JMJD1C: variants seen among roughly 807,000 people sequenced by gnomAD.
JMJD1C encodes jumonji domain-containing protein 1C.
JMJD1C carries 31 observed loss-of-function variants against 245.3 expected under a neutral mutation model. The observed-to-expected ratio is 0.13, with a 90% CI of 0.09 to 0.17. The LOEUF (loss-of-function observed/expected upper bound fraction) is 0.17, where lower values mean the gene tolerates loss of function less well. Ranked by LOEUF, JMJD1C falls within the 10% of genes least tolerant of loss-of-function variation. The pLI, the probability that JMJD1C is intolerant of heterozygous loss-of-function variation, is 1.00. For missense variants in JMJD1C, 2,691 were observed against 3,000.2 expected, an observed-to-expected ratio of 0.90 and a Z score of 2.41; for synonymous variants, 1,057 against 1,017.4, an observed-to-expected ratio of 1.04 and a Z score of -0.74.
chr10:63,352,325 C>A (rs72835382), intron 2 of JMJD1C, among the ~76,000 whole-genome samples: 2,551 of 152,018 alleles, frequency 0.017, 40 homozygotes, highest in Non-Finnish European at 0.028. Flanking sequence ...TTATTAGATA[C>A]CAATAAAAAG....
chr10:63,407,502 G>T (rs1564887926), intron 1 of JMJD1C, among the ~76,000 whole-genome samples: 1 of 152,128 alleles, frequency 6.6e-6, no homozygotes, highest in South Asian at 2.1e-4. Context: ...CTATGGAAAT[G>T]AGCAGATCTC....
chr10:63,194,202 T>G, intron 14 of JMJD1C, 84 bp downstream of exon 14: 1 of 858,030 alleles, frequency 1.2e-6, no homozygotes, highest in Non-Finnish European at 2.0e-6. Context: ...CTCCACCCTG[T>G]TATATTTCTA....
chr10:63,359,983 T>C (rs904658163), intron 2 of JMJD1C, among the ~76,000 whole-genome samples: 9 of 152,202 alleles, frequency 5.9e-5, no homozygotes, highest in East Asian at 5.8e-4. Context: ...TTTCTAAAGA[T>C]AGCAGACAGA....
intron 13 of JMJD1C, among the ~76,000 whole-genome samples, chr10:63,194,984 T>C (rs1382920617): frequency 2.0e-5 from 3 of 152,208 alleles, no homozygotes; most frequent in Non-Finnish European, 4.4e-5. Context: ...TCTACAAATT[T>C]AGTGACACAG....
At chr10:63,332,594 C>A (rs1435762921) in intron 2 of JMJD1C, among the ~76,000 whole-genome samples, 1 of 152,070 alleles carries the variant, frequency 6.6e-6, no homozygotes, top group East Asian at 1.9e-4. Flanking sequence ...TGAGTTTAGG[C>A]CTCATTTAAC....
chr10:63,326,667 G>T (rs1253683787), intron 2 of JMJD1C, among the ~76,000 whole-genome samples: 1 of 151,930 alleles, frequency 6.6e-6, no homozygotes, highest in Non-Finnish European at 1.5e-5. Flanking sequence ...ATTACCTGAG[G>T]TCAGGAGTTC....
intron 2 of JMJD1C, among the ~76,000 whole-genome samples, chr10:63,300,396 AT>A (rs111659925): frequency 0.14 from 21,392 of 152,178 alleles, 3,449 homozygotes; most frequent in African/African-American, 0.4. Flanking sequence ...AGATTTACAC[AT>A]CATCTAAGTT....
At chr10:63,492,630 C>T (rs747792189) in intron 1 of JMJD1C, among the ~76,000 whole-genome samples, 61 of 152,022 alleles carry the variant, frequency 4.0e-4, no homozygotes, top group Middle Eastern at 3.4e-3. Flanking sequence ...GCCAAGATTG[C>T]GAACACTGCA....
intron 1 of JMJD1C, among the ~76,000 whole-genome samples, chr10:63,494,295 A>T (rs1031141461): frequency 1.3e-5 from 2 of 151,992 alleles, no homozygotes; most frequent in Non-Finnish European, 2.9e-5. Flanking sequence ...TGGGCAACAT[A>T]AACGAAACTC....
chr10:63,340,106 C>G (rs12782230), intron 2 of JMJD1C, among the ~76,000 whole-genome samples: 1 of 152,072 alleles, frequency 6.6e-6, no homozygotes, highest in Non-Finnish European at 1.5e-5. Context: ...TTGGGCATCC[C>G]TAATCTGAAA....
chr10:63,430,802 G>T (rs1217512867), intron 1 of JMJD1C, among the ~76,000 whole-genome samples: 1 of 152,104 alleles, frequency 6.6e-6, no homozygotes, highest in Non-Finnish European at 1.5e-5. Context: ...GGAGAGCAGT[G>T]GCATGATCAC....
In JMJD1C at chr10:63,351,192, C is replaced by T. The variant is rs569314638; in HGVS notation, c.333+29126G>A. The stretch of plus-strand genomic sequence containing the variant: ...CTCCCAGGTTCCAGCAATTCTCCTG[C>T]CTCAGCCTCCTGAGGAGCTGGGATT... On this transcript the variant is annotated intron_variant, in intron 2 of 25. Transcript: ENST00000399262. Among the ~76,000 whole-genome samples the T allele has an allele frequency of 1.2e-4, 18 of 151,810 alleles. No individual in the cohort carries two copies. The East Asian group carries it at 3.5e-3, about 30-fold the overall frequency.
At chr10:63,205,386 G>A (rs1278518472) in intron 10 of JMJD1C, among the ~76,000 whole-genome samples, 1 of 152,086 alleles carries the variant, frequency 6.6e-6, no homozygotes, top group Non-Finnish European at 1.5e-5. Flanking sequence ...CTCCATAACC[G>A]TGGGTTCCAA....
At chr10:63,250,143 G>A (rs931001112) in intron 3 of JMJD1C, among the ~76,000 whole-genome samples, 1 of 151,946 alleles carries the variant, frequency 6.6e-6, no homozygotes, top group Non-Finnish European at 1.5e-5. Context: ...TTTCCAGGTA[G>A]CTGAGACTAC....
At chr10:63,520,327 C>G (rs1403622793) in intron 1 of JMJD1C, among the ~76,000 whole-genome samples, 1 of 152,146 alleles carries the variant, frequency 6.6e-6, no homozygotes, top group Non-Finnish European at 1.5e-5. Flanking sequence ...GACAAAATTA[C>G]AGTATGGTCA....
At chr10:63,482,905 C>T (rs1007776935) in intron 1 of JMJD1C, among the ~76,000 whole-genome samples, 4 of 152,020 alleles carry the variant, frequency 2.6e-5, no homozygotes, top group African/African-American at 9.7e-5. Flanking sequence ...AGTAACAGCC[C>T]GTTTGCTTTT....
intron 2 of JMJD1C, among the ~76,000 whole-genome samples, chr10:63,336,835 C>T (rs764163147): frequency 6.6e-6 from 1 of 152,058 alleles, no homozygotes; most frequent in Non-Finnish European, 1.5e-5. Context: ...GCATTCAACT[C>T]TAGCCCTCTT....
intron 12 of JMJD1C, among the ~76,000 whole-genome samples, chr10:63,197,856 T>C (rs1336406193): frequency 1.3e-5 from 2 of 152,252 alleles, no homozygotes; most frequent in African/African-American, 4.8e-5. Flanking sequence ...ACTCTGTGCA[T>C]TGCAGACTGT....
intron 2 of JMJD1C, among the ~76,000 whole-genome samples, chr10:63,357,832 C>G (rs1210712568): frequency 2.5e-4 from 20 of 80,516 alleles, no homozygotes; most frequent in Admixed American, 9.8e-4. Flanking sequence ...GACAGACACA[C>G]ACACACACAC....
Sources: gnomAD v4.1 joint callset for allele counts (sites outside exome capture counted in the v4.1 genomes callset) on GRCh38, gnomAD v4.1.1 for gene constraint, MANE v1.5 for transcripts, NCBI Gene and HGNC (gene_info 2026-07-23, HGNC 2026-07-21) for gene names.